MTBP: variants seen among roughly 807,000 people sequenced by gnomAD.
MTBP encodes MDM2 binding protein.
A neutral mutation model predicts 117.0 loss-of-function variants in MTBP; 101 were observed. The ratio of observed to expected loss-of-function variants is 0.86; its 90% CI spans 0.73 to 1.02. MTBP has a LOEUF of 1.02. MTBP is among the 50% of genes least tolerant of loss of function. The pLI, the probability that MTBP is intolerant of heterozygous loss-of-function variation, is 0.00. For missense variants in MTBP, 970 were observed against 1,030.9 expected (o/e 0.94, Z 0.81); for synonymous variants, 350 against 351.5 (o/e 1.00, Z 0.05).
chr8:120,505,344 G>T (rs922216816), intron 15 of MTBP, among the ~76,000 whole-genome samples: 3 of 151,990 alleles, frequency 2.0e-5, no homozygotes, highest in South Asian at 2.1e-4. Flanking sequence ...AAATTACAGG[G>T]GCTTTATTCT....
chr8:120,499,775 A>T (rs1299763848), intron 14 of MTBP, among the ~76,000 whole-genome samples: 1 of 152,212 alleles, frequency 6.6e-6, no homozygotes, highest in African/African-American at 2.4e-5. Context: ...TTATTTACAC[A>T]TTGTCACAAA....
rs201548269 is a variant in MTBP, at chr8:120,508,699, TCTA to T, written c.1884-1231_1884-1229del. ...GTGATAGCAAATTTATTCTTAGTAC[TCTA>T]CTATTTACTTACCCTTCTACATACC... On this transcript the variant is annotated intron_variant, in intron 16 of 21. Transcript: ENST00000305949. 5.5e-3 allele frequency among the ~76,000 whole-genome samples: 836 copies of T among 152,288 alleles called. 30 individuals are homozygous for T. Among genetic ancestry groups the T allele is most frequent in the Admixed American group, 0.048 (741 of 15,288 alleles).
In MTBP at chr8:120,451,058, A is replaced by C. The variant is rs752625268; in HGVS notation, c.255A>C (p.Ala85=). Residue 85 remains alanine (A), a synonymous_variant, in exon 3 of 22, where the codon GCA becomes GCC. Coordinates refer to ENST00000305949, the MANE Select transcript of MTBP (RefSeq NM_022045.5). ...AGAAGTGGTTCTTTGCAGTGCAGGC[A>C]ATATATGGATTTTATCAGGTAATAT... The part of the protein sequence containing the change: ...GSKKWFFAVQ[A]IYGFYQFCSS... 11 of 1,612,050 alleles carry C rather than the reference A, an allele frequency of 6.8e-6. No individual in the cohort carries two copies. The highest frequency in any genetic ancestry group is 9.3e-6 in the Non-Finnish European group (11 of 1,179,016).
chr8:120,482,014 A>G (rs1400018627), intron 11 of MTBP, among the ~76,000 whole-genome samples: 1 of 152,158 alleles, frequency 6.6e-6, no homozygotes, highest in Non-Finnish European at 1.5e-5. Flanking sequence ...CTCTAGTTCA[A>G]TGATTCTTAA....
chr8:120,482,938 A>G (rs543304259), intron 11 of MTBP, among the ~76,000 whole-genome samples: 2 of 151,620 alleles, frequency 1.3e-5, no homozygotes, highest in Non-Finnish European at 1.5e-5. Context: ...TGACCTCGTG[A>G]TCCATCCACC....
At position 120,516,054 on chromosome 8, in the gene MTBP, CCCTCTTCCATCT is replaced by C. The variant is rs768911806; in HGVS notation, c.2113_2124del (p.Leu705_Pro708del). On this transcript the variant is annotated inframe_deletion, in exon 18 of 22. Transcript: ENST00000305949. ...GTTTTCCAGTACCTACTGTGTTGAGCCCTCTTCCATCTCCTGTAGTTTCGTCAGATCCTGGAA... is the reference window on the plus strand; with the variant it reads ...GTTTTCCAGTACCTACTGTGTTGAGCCCTGTAGTTTCGTCAGATCCTGGAA... 44 of 1,613,024 alleles carry C rather than the reference CCCTCTTCCATCT, an allele frequency of 2.7e-5. No homozygotes were observed. The highest frequency in any genetic ancestry group is 3.7e-5 in the Non-Finnish European group (44 of 1,179,330).
intron 13 of MTBP, among the ~76,000 whole-genome samples, chr8:120,493,633 G>A (rs1438387979): frequency 6.6e-6 from 1 of 151,968 alleles, no homozygotes; most frequent in Admixed American, 6.6e-5. Flanking sequence ...TAGCATTACA[G>A]GCATGTACCA....
At chr8:120,480,195 TCAAGACCAGCCTGGC>T (rs1415151157) in intron 11 of MTBP, among the ~76,000 whole-genome samples, 1 of 145,222 alleles carries the variant, frequency 6.9e-6, no homozygotes, top group Non-Finnish European at 1.5e-5. Flanking sequence ...CTGCAGGAGT[TCAAGACCAGCCTGGC>T]CAACATGGCG....
chr8:120,496,229 G>A (rs181886196), intron 13 of MTBP, among the ~76,000 whole-genome samples: 32 of 152,312 alleles, frequency 2.1e-4, no homozygotes, highest in Non-Finnish European at 3.8e-4. Context: ...ATCTATCAGA[G>A]CATGCTTTGT....
At chr8:120,487,935 C>T (rs896635096) in intron 11 of MTBP, among the ~76,000 whole-genome samples, 1 of 152,156 alleles carries the variant, frequency 6.6e-6, no homozygotes, top group Non-Finnish European at 1.5e-5. Context: ...AGAATGAGTA[C>T]ACATACTTTT....
chr8:120,446,492 C>G lies in MTBP; in HGVS notation c.178C>G (p.Pro60Ala). Residue 60 changes from proline (P) to alanine (A), a missense_variant, in exon 2 of 22, where the codon CCA becomes GCA. Coordinates refer to ENST00000305949, the MANE Select transcript of MTBP (RefSeq NM_022045.5). The stretch of plus-strand genomic sequence containing the variant: ...AAGAAGCATTAGTGCTTCAATTAAT[C>G]CAGAAGATAGTACTTTCCCTGGTAA... ...LKRSISASIN[P>A]EDSTFPACSV... The G allele has an allele frequency of 6.3e-7, 1 of 1,595,550 alleles. No individual in the cohort carries two copies. Among genetic ancestry groups the G allele is most frequent in the Non-Finnish European group, 8.6e-7 (1 of 1,163,462 alleles).
intron 12 of MTBP, among the ~76,000 whole-genome samples, chr8:120,488,668 A>G (rs1257626601): frequency 3.9e-5 from 6 of 152,022 alleles, no homozygotes; most frequent in African/African-American, 1.4e-4. Context: ...CACATGTTCT[A>G]TTTTATTGCC....
At position 120,449,141 on chromosome 8, in the gene MTBP, G is replaced by A. The variant is rs146250169; in HGVS notation, c.200-1862G>A. ...AATGAGGAATGGGAGAGGCAGCCAG[G>A]GTGGAGGAAAGTGGATAGATCTGAA... is the stretch of plus-strand genomic sequence containing the variant. On this transcript the variant is annotated intron_variant, in intron 2 of 21. Coordinates refer to ENST00000305949, the MANE Select transcript of MTBP (RefSeq NM_022045.5). Among the ~76,000 whole-genome samples the A allele has an allele frequency of 3.4e-3, 521 of 152,220 alleles. 3 individuals carry two copies. The highest frequency in any genetic ancestry group is 0.011 in the African/African-American group (477 of 41,530).
intron 7 of MTBP, among the ~76,000 whole-genome samples, 196 bp from the exon 8 acceptor site, chr8:120,459,019 A>G (rs995781636): frequency 1.3e-5 from 2 of 152,196 alleles, no homozygotes; most frequent in Non-Finnish European, 2.9e-5. Flanking sequence ...AGAGCTTTTC[A>G]TGAAAACCTG....
intron 14 of MTBP, among the ~76,000 whole-genome samples, chr8:120,500,492 A>G (rs1008656642): frequency 2.6e-5 from 4 of 152,202 alleles, no homozygotes; most frequent in African/African-American, 9.6e-5. Flanking sequence ...GCTGTGCAGA[A>G]ATGCAAGTGA....
At position 120,523,472 on chromosome 8, in the gene MTBP, T is replaced by G; in HGVS notation, c.*136T>G. ...GATGTTATATTTCTAAAGAATTTCA[T>G]GAATATATATTCTATATTTGTATAG... On this transcript the variant is annotated 3_prime_UTR_variant, in exon 22 of 22. Coordinates refer to ENST00000305949, the MANE Select transcript of MTBP (RefSeq NM_022045.5). 1 of 467,244 alleles carries G rather than the reference T, an allele frequency of 2.1e-6. No individual in the cohort carries two copies. The allele number at this position is 467,244 out of a possible 1,614,324, so 28.9% of individuals were successfully genotyped here. A position where few individuals can be genotyped will look rare whatever the true frequency, so the allele number is the denominator to read the frequency against.
rs139637086 is a variant in MTBP, at chr8:120,491,457, T to C, written c.1447+887T>C. 3.9e-3 allele frequency among the ~76,000 whole-genome samples: 595 copies of C among 152,266 alleles called. 4 individuals carry two copies. Among genetic ancestry groups the C allele is most frequent in the African/African-American group, 0.014 (569 of 41,552 alleles). ...GTTTAGTCTTGAGCTCCTCTAACCATTGGTGTGTTGTTTTTTTTAACCACG... is the reference window on the plus strand; with the variant it reads ...GTTTAGTCTTGAGCTCCTCTAACCACTGGTGTGTTGTTTTTTTTAACCACG... On this transcript the variant is annotated intron_variant, in intron 13 of 21. Transcript: ENST00000305949.
At chr8:120,503,320 C>A (rs1814622270) in intron 15 of MTBP, among the ~76,000 whole-genome samples, 1 of 152,170 alleles carries the variant, frequency 6.6e-6, no homozygotes, top group South Asian at 2.1e-4. Flanking sequence ...CCCCTCTCAT[C>A]TAGAGCTTAG....
Position 120,456,956 on chromosome 8 carries a change from A to G in MTBP, c.747+286A>G, listed in dbSNP as rs182899777. 4.1e-3 allele frequency among the ~76,000 whole-genome samples: 620 copies of G among 152,290 alleles called. 5 individuals carry two copies. The highest frequency in any genetic ancestry group is 0.014 in the African/African-American group (594 of 41,572). Reference sequence around the variant, plus strand: ...ATCACATAATAATGTGATTATATTCAAGTGCTGTTTCCAGAATGTAATGTT... The same window carrying G: ...ATCACATAATAATGTGATTATATTCGAGTGCTGTTTCCAGAATGTAATGTT... On this transcript the variant is annotated intron_variant, in intron 7 of 21. Coordinates refer to ENST00000305949, the MANE Select transcript of MTBP (RefSeq NM_022045.5).
Sources: allele counts gnomAD v4.1 joint callset (sites outside exome capture counted in the v4.1 genomes callset), GRCh38; gene constraint gnomAD v4.1.1; transcripts MANE v1.5; gene names NCBI Gene and HGNC (gene_info 2026-07-23, HGNC 2026-07-21).